Variants in NEDD4 observed in about 807,000 individuals in gnomAD.
The protein encoded by NEDD4 is NEDD4 E3 ubiquitin protein ligase, also known as E3 ubiquitin-protein ligase NEDD4.
Under a neutral mutation model 144.9 loss-of-function variants are expected in NEDD4, and 99 were observed. The ratio of observed to expected loss-of-function variants is 0.68; its 90% CI spans 0.58 to 0.81. The LOEUF (loss-of-function observed/expected upper bound fraction) is 0.81, where lower values mean the gene tolerates loss of function less well. Among genes scored for constraint, NEDD4 ranks in the 30% least tolerant of loss-of-function variants. The pLI, the probability that NEDD4 is intolerant of heterozygous loss-of-function variation, is 0.00. For missense variants in NEDD4, 985 were observed against 1,065.9 expected, an observed-to-expected ratio of 0.92 and a Z score of 1.06; for synonymous variants, 318 against 350.6, an observed-to-expected ratio of 0.91 and a Z score of 1.04.
intron 1 of NEDD4, among the ~76,000 whole-genome samples, chr15:55,975,046 C>A (rs913930344): frequency 6.6e-6 from 1 of 151,618 alleles, no homozygotes; most frequent in Non-Finnish European, 1.5e-5. Flanking sequence ...GTGTGCGATA[C>A]CACACCCGGG....
intron 4 of NEDD4, among the ~76,000 whole-genome samples, chr15:55,930,186 T>A (rs2036752510): frequency 6.6e-6 from 1 of 152,218 alleles, no homozygotes; most frequent in Non-Finnish European, 1.5e-5. Context: ...TTTTTTATAT[T>A]TTTAAATGGT....
rs1235966204 is a variant in NEDD4, at chr15:55,828,992, T to C, written c.*905A>G. 1 of 152,576 alleles carries C rather than the reference T, an allele frequency of 6.6e-6. No individual in the cohort carries two copies. Among genetic ancestry groups the C allele is most frequent in the Non-Finnish European group, 1.5e-5 (1 of 68,020 alleles). The allele number at this position is 152,576 out of a possible 1,614,324, so 9.5% of individuals were successfully genotyped here. On this transcript the variant is annotated 3_prime_UTR_variant, in exon 29 of 29. Transcript: ENST00000435532. ...CATAATTGTACAAGTGTAAAGAATA[T>C]CTAGTAAAGGCAAGTGCTATACACT... is the stretch of plus-strand genomic sequence containing the variant.
chr15:55,902,322 A>G (rs145668583), intron 5 of NEDD4, among the ~76,000 whole-genome samples: 44 of 152,324 alleles, frequency 2.9e-4, no homozygotes, highest in African/African-American at 1.0e-3. Flanking sequence ...GTCAATACTA[A>G]AATGACATAG....
intron 28 of NEDD4, 77 bp downstream of exon 28, chr15:55,830,437 G>T: frequency 7.9e-7 from 1 of 1,264,502 alleles, no homozygotes; most frequent in Non-Finnish European, 1.2e-6. Flanking sequence ...GAGGAGACTA[G>T]CCCTGCTGTG....
At chr15:55,897,358 T>C (rs1455393087) in intron 5 of NEDD4, among the ~76,000 whole-genome samples, 3 of 152,198 alleles carry the variant, frequency 2.0e-5, no homozygotes, top group Non-Finnish European at 4.4e-5. Flanking sequence ...TATTTAGACC[T>C]GAGGAAGTAC....
chr15:55,892,827 C>A (rs968839429), intron 5 of NEDD4, among the ~76,000 whole-genome samples: 3 of 151,912 alleles, frequency 2.0e-5, no homozygotes, highest in Admixed American at 6.6e-5. Context: ...GATGCTTTAC[C>A]TTTTTGGTGG....
intron 1 of NEDD4, among the ~76,000 whole-genome samples, chr15:55,986,022 T>C (rs1019138685): frequency 3.3e-5 from 5 of 152,188 alleles, no homozygotes; most frequent in Non-Finnish European, 5.9e-5. Context: ...AGGAACCTCC[T>C]TGAAAGGGCT....
chr15:55,855,711 T>A (rs1195978695), intron 12 of NEDD4, among the ~76,000 whole-genome samples: 4 of 152,216 alleles, frequency 2.6e-5, no homozygotes, highest in Non-Finnish European at 2.9e-5. Flanking sequence ...CCAGCCTGGC[T>A]GCCGGGCATG....
intron 12 of NEDD4, among the ~76,000 whole-genome samples, chr15:55,853,191 T>A (rs1227031250): frequency 6.6e-6 from 1 of 152,224 alleles, no homozygotes; most frequent in Non-Finnish European, 1.5e-5. Flanking sequence ...ATTATACATT[T>A]TAGTGAAATA....
At chr15:55,983,613 CTTTTT>C (rs10711886) in intron 1 of NEDD4, among the ~76,000 whole-genome samples, 1 of 141,962 alleles carries the variant, frequency 7.0e-6, no homozygotes. Context: ...TTTAGATATA[CTTTTT>C]TTTTTTTTTT....
At chr15:55,951,611 AGAAAG>A in intron 2 of NEDD4, 22 bp from the exon 3 acceptor site, 2 of 1,267,122 alleles carry the variant, frequency 1.6e-6, no homozygotes, top group Non-Finnish European at 2.1e-6. Flanking sequence ...AAAAAAAAAA[AGAAAG>A]AAAAATTTTA....
intron 2 of NEDD4, among the ~76,000 whole-genome samples, chr15:55,954,065 G>C (rs1261023709): frequency 1.3e-5 from 2 of 151,702 alleles, no homozygotes; most frequent in African/African-American, 2.4e-5. Context: ...CTACAGTCTG[G>C]TTTCTGTCTC....
At chr15:55,988,988 C>T (rs1241069147) in intron 1 of NEDD4, among the ~76,000 whole-genome samples, 1 of 152,176 alleles carries the variant, frequency 6.6e-6, no homozygotes. Context: ...ATAATCCCAG[C>T]ACTTTGGAAG....
chr15:55,969,469 G>C (rs1166408832), intron 1 of NEDD4, among the ~76,000 whole-genome samples: 1 of 152,160 alleles, frequency 6.6e-6, no homozygotes, highest in Admixed American at 6.5e-5. Flanking sequence ...GGCCAAGGGT[G>C]TGCTTGTGTC....
At chr15:55,848,321 G>C in intron 17 of NEDD4, 51 bp downstream of exon 17, 5 of 1,562,986 alleles carry the variant, frequency 3.2e-6, no homozygotes, top group Non-Finnish European at 4.4e-6. Flanking sequence ...TGCTCTTGAA[G>C]AGACAGGTGA....
At chr15:55,854,173 C>T (rs1434306761) in intron 12 of NEDD4, among the ~76,000 whole-genome samples, 3 of 152,022 alleles carry the variant, frequency 2.0e-5, no homozygotes, top group East Asian at 3.8e-4. Flanking sequence ...AAAAAAAGTC[C>T]TAAATCTGGC....
chr15:55,938,366 A>T (rs963755386), intron 4 of NEDD4, among the ~76,000 whole-genome samples: 2 of 152,150 alleles, frequency 1.3e-5, no homozygotes, highest in Non-Finnish European at 2.9e-5. Context: ...ACAAAAAACA[A>T]AACAAAAAAA....
intron 7 of NEDD4, among the ~76,000 whole-genome samples, chr15:55,870,420 A>G (rs1375435367): frequency 6.6e-6 from 1 of 151,884 alleles, no homozygotes; most frequent in Non-Finnish European, 1.5e-5. Flanking sequence ...TTTTTGAATA[A>G]TCAGTTGTCT....
chr15:55,982,290 A>C (rs1229529448), intron 1 of NEDD4, among the ~76,000 whole-genome samples: 1 of 152,246 alleles, frequency 6.6e-6, no homozygotes, highest in Non-Finnish European at 1.5e-5. Context: ...AAGAGAAATA[A>C]AAATATACTT....
Sources: allele counts gnomAD v4.1 joint callset (sites outside exome capture counted in the v4.1 genomes callset), GRCh38; gene constraint gnomAD v4.1.1; transcripts MANE v1.5; gene names NCBI Gene and HGNC (gene_info 2026-07-23, HGNC 2026-07-21).